GAN: variants seen among roughly 807,000 people sequenced by gnomAD.
GAN encodes epididymis secretory sperm binding protein.
GAN carries 48 observed loss-of-function variants against 71.3 expected under a neutral mutation model. The ratio of observed to expected loss-of-function variants is 0.67; its 90% CI spans 0.53 to 0.86. The LOEUF is 0.86. Among genes scored for constraint, GAN ranks in the 40% least tolerant of loss-of-function variants. GAN has a pLI of 0.00. For missense variants in GAN, 928 were observed against 770.1 expected (o/e 1.21, Z -2.43); for synonymous variants, 386 against 276.8 (o/e 1.39, Z -3.92).
Position 81,377,202 on chromosome 16 carries a change from A to G in GAN, c.1503-17A>G, listed in dbSNP as rs747032729. On this transcript the variant is annotated splice_polypyrimidine_tract_variant and intron_variant, in intron 9 of 10. Coordinates refer to ENST00000648994, the MANE Select transcript of GAN (RefSeq NM_022041.4). The stretch of plus-strand genomic sequence containing the variant: ...CCTTTTGATTTCCTTAATTTTGTGC[A>G]TGGGCTTTGTTTTCAGGTGGATCTA... The G allele has an allele frequency of 9.1e-6, 13 of 1,429,992 alleles. No homozygotes were observed. The highest frequency in any genetic ancestry group is 8.0e-5 in the South Asian group (7 of 87,336). 88.6% of individuals were successfully genotyped at this position (1,429,992 alleles called of 1,614,324 possible). A position where few individuals can be genotyped will look rare whatever the true frequency, so the allele number is the denominator to read the frequency against.
chr16:81,335,783 G>C (rs545129340), intron 1 of GAN, among the ~76,000 whole-genome samples: 2 of 150,852 alleles, frequency 1.3e-5, no homozygotes, highest in African/African-American at 4.9e-5. Flanking sequence ...CAAATGATGA[G>C]TCATTCTAAG....
At chr16:81,355,891 A>G (rs1262341293) in intron 3 of GAN, among the ~76,000 whole-genome samples, 1 of 152,176 alleles carries the variant, frequency 6.6e-6, no homozygotes, top group East Asian at 1.9e-4. Context: ...TATTTGTAGT[A>G]TTGGTTTTAA....
chr16:81,333,083 C>A (rs1397055025), intron 1 of GAN, among the ~76,000 whole-genome samples: 1 of 151,850 alleles, frequency 6.6e-6, no homozygotes, highest in Non-Finnish European at 1.5e-5. Flanking sequence ...ACCAAAAATA[C>A]AAAACAAAAA....
At chr16:81,361,230 CA>C (rs961572407) in intron 5 of GAN, among the ~76,000 whole-genome samples, 1 of 151,170 alleles carries the variant, frequency 6.6e-6, no homozygotes, top group Non-Finnish European at 1.5e-5. Flanking sequence ...CTTTAAAAAA[CA>C]AAAAAAATCA....
intron 9 of GAN, among the ~76,000 whole-genome samples, chr16:81,371,239 G>A (rs1419190491): frequency 6.6e-6 from 1 of 152,086 alleles, no homozygotes; most frequent in South Asian, 2.1e-4. Context: ...CCCTTACTGA[G>A]CATCACTGTG....
rs112693832 is a variant in GAN, at chr16:81,354,650, A to G, written c.528A>G (p.Gln176=). ...STEEFLELSP[Q]KLKEVISLEK... ...AAGAATTCTTAGAGCTGAGTCCTCAAAAGCTTAAAGAAGTGATTTCTCTTG... is the reference window on the plus strand; with the variant it reads ...AAGAATTCTTAGAGCTGAGTCCTCAGAAGCTTAAAGAAGTGATTTCTCTTG... The change falls in exon 3 of 11, where the codon CAA becomes CAG. Residue 176 remains glutamine, a synonymous_variant. Transcript: ENST00000648994. 1.9e-5 allele frequency: 31 copies of G among 1,613,700 alleles called. 1 individual carries two copies. The highest frequency in any genetic ancestry group is 9.3e-5 in the African/African-American group (7 of 75,052).
chr16:81,340,066 C>T (rs565642951), intron 1 of GAN, among the ~76,000 whole-genome samples: 1 of 152,210 alleles, frequency 6.6e-6, no homozygotes, highest in South Asian at 2.1e-4. Context: ...GTATCCTCTG[C>T]CACCTGCTGA....
At position 81,384,486 on chromosome 16, in the gene GAN, C is replaced by G. The variant is rs1245229937; in HGVS notation, c.*6890C>G. The G allele has an allele frequency of 6.6e-6, 1 of 151,924 alleles. No homozygotes were observed. The highest frequency in any genetic ancestry group is 1.5e-5 in the Non-Finnish European group (1 of 67,984). 9.4% of individuals were successfully genotyped at this position (151,924 alleles called of 1,614,324 possible). A position where few individuals can be genotyped will look rare whatever the true frequency, so the allele number is the denominator to read the frequency against. Reference sequence around the variant, plus strand: ...CCACTGCTGTGTAAAACAGGGGGCTCGATTTCCATTCTTGTTAGCATCAGA... The same window carrying G: ...CCACTGCTGTGTAAAACAGGGGGCTGGATTTCCATTCTTGTTAGCATCAGA... On this transcript the variant is annotated 3_prime_UTR_variant, in exon 11 of 11. Coordinates refer to ENST00000648994, the MANE Select transcript of GAN (RefSeq NM_022041.4).
In GAN at chr16:81,363,842, T is replaced by C. The variant is rs769968197; in HGVS notation, c.1135T>C (p.Leu379=). The change falls in exon 7 of 11, where the codon TTG becomes CTG. Residue 379 remains leucine, a synonymous_variant. Coordinates refer to ENST00000648994, the MANE Select transcript of GAN (RefSeq NM_022041.4). ...IVEIDGMLYI[L]GGEDGEKELI... is the part of the protein sequence containing the mutation. ...GGAGATAGATGGGATGCTGTACATT[T>C]TGGGAGGAGAGGATGGTGAAAAGGA... is the stretch of plus-strand genomic sequence containing the variant. 6.2e-7 allele frequency: 1 copy of C among 1,612,920 alleles called. No homozygotes were observed. The highest frequency in any genetic ancestry group is 2.2e-5 in the East Asian group (1 of 44,872).
chr16:81,335,050 CTTG>C (rs373254524), intron 1 of GAN, among the ~76,000 whole-genome samples: 125 of 147,374 alleles, frequency 8.5e-4, no homozygotes, highest in African/African-American at 2.9e-3. Context: ...GGGTTGGAGG[CTTG>C]TTGTTTTAGA....
intron 1 of GAN, among the ~76,000 whole-genome samples, chr16:81,338,996 CTT>C (rs990638387): frequency 1.3e-5 from 2 of 152,210 alleles, no homozygotes; most frequent in African/African-American, 4.8e-5. Context: ...TTTAGAAACT[CTT>C]TTAGCAGTTT....
chr16:81,316,354 C>T (rs1397128527), intron 1 of GAN, among the ~76,000 whole-genome samples: 3 of 15,502 alleles, frequency 1.9e-4, no homozygotes, highest in African/African-American at 4.9e-4. Context: ...ACGCACGCTA[C>T]ACTTTTAACC....
At position 81,380,554 on chromosome 16, in the gene GAN, GA is replaced by G. The variant is rs1904299833; in HGVS notation, c.*2960del. On this transcript the variant is annotated 3_prime_UTR_variant, in exon 11 of 11. Coordinates refer to ENST00000648994, the MANE Select transcript of GAN (RefSeq NM_022041.4). ...TGTGAATAGAAAAAGTGTGAGAGAT[GA>G]ATGAGTGAGTTGTACGTGTGTGTGT... 6.6e-6 allele frequency: 1 copy of G among 152,122 alleles called. No individual in the cohort carries two copies. Among genetic ancestry groups the G allele is most frequent in the Admixed American group, 6.5e-5 (1 of 15,272 alleles). 9.4% of individuals were successfully genotyped at this position (152,122 alleles called of 1,614,324 possible). A position where few individuals can be genotyped will look rare whatever the true frequency, so the allele number is the denominator to read the frequency against.
At chr16:81,315,516 C>T (rs537009796) in intron 1 of GAN, among the ~76,000 whole-genome samples, 30 of 152,132 alleles carry the variant, frequency 2.0e-4, no homozygotes, top group African/African-American at 6.5e-4. Context: ...CCCCGCGCCC[C>T]TTGGAGTTGT....
At chr16:81,354,134 G>T (rs915781731) in intron 2 of GAN, among the ~76,000 whole-genome samples, 2 of 152,066 alleles carry the variant, frequency 1.3e-5, no homozygotes, top group African/African-American at 2.4e-5. Flanking sequence ...AACATGGACA[G>T]TTCACCCTAA....
rs1460952035 is a variant in GAN at position 81,385,049 on chromosome 16, CAGGTAAAA to C, written c.*7454_*7461del. 1.9e-5 allele frequency: 3 copies of C among 154,200 alleles called. No homozygotes were observed. In the Admixed American group the frequency reaches 2.0e-4, roughly 10 times the overall value. The allele number at this position is 154,200 out of a possible 1,614,324, so 9.6% of individuals were successfully genotyped here. A position where few individuals can be genotyped will look rare whatever the true frequency, so the allele number is the denominator to read the frequency against. ...GGCATATTTGGTATAACTTAAGCAC[CAGGTAAAA>C]TCTGGTGCTTAAGTTGTACCAAGTA... is the stretch of plus-strand genomic sequence containing the variant. On this transcript the variant is annotated 3_prime_UTR_variant, in exon 11 of 11. Coordinates refer to ENST00000648994, the MANE Select transcript of GAN (RefSeq NM_022041.4).
intron 9 of GAN, among the ~76,000 whole-genome samples, chr16:81,370,012 G>A (rs1910987264): frequency 6.6e-6 from 1 of 152,184 alleles, no homozygotes; most frequent in Admixed American, 6.5e-5. Context: ...ACCTTAGTAT[G>A]GCAGCCGTTG....
intron 1 of GAN, among the ~76,000 whole-genome samples, chr16:81,319,980 T>C (rs954217463): frequency 3.3e-5 from 5 of 152,232 alleles, no homozygotes; most frequent in Admixed American, 3.3e-4. Flanking sequence ...TAAAGTTTTG[T>C]TTTATGTTAA....
chr16:81,370,025 A>G (rs1910987821), intron 9 of GAN, among the ~76,000 whole-genome samples: 1 of 152,188 alleles, frequency 6.6e-6, no homozygotes, highest in South Asian at 2.1e-4. Flanking sequence ...AGCCGTTGAC[A>G]TAGCTAATGT....
Sources: gnomAD v4.1 joint callset for allele counts (sites outside exome capture counted in the v4.1 genomes callset) on GRCh38, gnomAD v4.1.1 for gene constraint, MANE v1.5 for transcripts, NCBI Gene and HGNC (gene_info 2026-07-23, HGNC 2026-07-21) for gene names.